Variants in SMPD3 observed in about 807,000 individuals in gnomAD.
SMPD3 encodes nSMase-2.
A neutral mutation model predicts 55.7 loss-of-function variants in SMPD3; 21 were observed. The observed-to-expected ratio is 0.38, with a 90% confidence interval of 0.27 to 0.54. SMPD3 has a LOEUF of 0.54. Among genes scored for constraint, SMPD3 ranks in the 20% least tolerant of loss-of-function variants. SMPD3 has a pLI of 0.80. For missense variants in SMPD3, 842 were observed against 899.6 expected, an observed-to-expected ratio of 0.94 and a Z score of 0.82; for synonymous variants, 457 against 404.3, an observed-to-expected ratio of 1.13 and a Z score of -1.56.
intron 1 of SMPD3, among the ~76,000 whole-genome samples, chr16:68,406,035 T>G (rs2090252354): frequency 1.3e-5 from 2 of 152,194 alleles, no homozygotes; most frequent in Admixed American, 6.5e-5. Flanking sequence ...GCTTTTGCCC[T>G]TGGTCAACAG....
chr16:68,385,965 G>A (rs1477447227), intron 2 of SMPD3, among the ~76,000 whole-genome samples: 1 of 152,228 alleles, frequency 6.6e-6, no homozygotes, highest in African/African-American at 2.4e-5. Context: ...GCTTGTGCCT[G>A]TAGTCCTAGC....
intron 1 of SMPD3, among the ~76,000 whole-genome samples, chr16:68,390,858 G>T (rs1471344194): frequency 1.3e-5 from 2 of 152,102 alleles, no homozygotes; most frequent in African/African-American, 4.8e-5. Flanking sequence ...TGAGACCCTG[G>T]GGGAGAGGTG....
intron 1 of SMPD3, among the ~76,000 whole-genome samples, chr16:68,388,296 G>A (rs57909610): frequency 0.02 from 3,018 of 152,122 alleles, 129 homozygotes; most frequent in African/African-American, 0.068. Context: ...CCAGCCTGCC[G>A]GGAAGCAGAG....
chr16:68,420,813 C>A (rs1489938397), intron 1 of SMPD3, among the ~76,000 whole-genome samples: 1 of 152,204 alleles, frequency 6.6e-6, no homozygotes, highest in Non-Finnish European at 1.5e-5. Context: ...ACTTTGTAAG[C>A]ATTAATTAAG....
chr16:68,403,291 A>G (rs1423672118), intron 1 of SMPD3, among the ~76,000 whole-genome samples: 1 of 152,158 alleles, frequency 6.6e-6, no homozygotes, highest in African/African-American at 2.4e-5. Flanking sequence ...AAACACGAGC[A>G]CCCTGAGGAC....
At chr16:68,393,541 T>C (rs1032193944) in intron 1 of SMPD3, among the ~76,000 whole-genome samples, 2 of 152,168 alleles carry the variant, frequency 1.3e-5, no homozygotes, top group African/African-American at 4.8e-5. Context: ...GTTTGTGGTG[T>C]TGGGGGACAT....
At chr16:68,398,519 C>G (rs572809935) in intron 1 of SMPD3, among the ~76,000 whole-genome samples, 70 of 152,310 alleles carry the variant, frequency 4.6e-4, no homozygotes, top group African/African-American at 1.7e-3. Flanking sequence ...GGCCAACCTT[C>G]ACCTTGTTCT....
chr16:68,387,182 G>C (rs945693642), intron 1 of SMPD3, among the ~76,000 whole-genome samples: 11 of 152,134 alleles, frequency 7.2e-5, no homozygotes, highest in African/African-American at 2.7e-4. Flanking sequence ...CCAGGATGGG[G>C]TGGATTAGGG....
At chr16:68,399,072 C>T (rs959437754) in intron 1 of SMPD3, among the ~76,000 whole-genome samples, 1 of 152,220 alleles carries the variant, frequency 6.6e-6, no homozygotes, top group African/African-American at 2.4e-5. Context: ...TGGCTCTGAA[C>T]AAAGAGAGCA....
At chr16:68,396,296 G>A (rs1427442082) in intron 1 of SMPD3, among the ~76,000 whole-genome samples, 1 of 152,002 alleles carries the variant, frequency 6.6e-6, no homozygotes, top group Non-Finnish European at 1.5e-5. Context: ...CTACCCCCAG[G>A]ATCGATCCTT....
chr16:68,391,785 T>C (rs2152004884), intron 1 of SMPD3, among the ~76,000 whole-genome samples: 1 of 152,350 alleles, frequency 6.6e-6, no homozygotes, highest in East Asian at 1.9e-4. Flanking sequence ...AACAAATTTA[T>C]ATGTTGAAGC....
intron 1 of SMPD3, among the ~76,000 whole-genome samples, chr16:68,437,993 G>C (rs189169038): frequency 1.3e-5 from 2 of 152,214 alleles, no homozygotes; most frequent in African/African-American, 4.8e-5. Context: ...GTGACTGATG[G>C]GTGCTGCAAC....
At chr16:68,393,063 AGACTTATACAAATG>A (rs1224574341) in intron 1 of SMPD3, among the ~76,000 whole-genome samples, 2 of 152,150 alleles carry the variant, frequency 1.3e-5, no homozygotes, top group African/African-American at 4.8e-5. Flanking sequence ...TAGCCCAAAC[AGACTTATACAAATG>A]GATGGGGACC....
At chr16:68,376,556 C>A (rs1344689754) in intron 2 of SMPD3, among the ~76,000 whole-genome samples, 1 of 152,244 alleles carries the variant, frequency 6.6e-6, no homozygotes, top group Non-Finnish European at 1.5e-5. Context: ...ATTTTGAAGT[C>A]CACAGTTATC....
At chr16:68,367,805 A>G (rs1008035168) in intron 3 of SMPD3, 1 of 152,292 alleles carries the variant, frequency 6.6e-6, no homozygotes, top group Non-Finnish European at 1.5e-5. Context: ...AAAACAAGCA[A>G]TCACACGAAA....
chr16:68,374,689 C>T (rs76001616), intron 2 of SMPD3, among the ~76,000 whole-genome samples: 4,692 of 152,246 alleles, frequency 0.031, 233 homozygotes, highest in African/African-American at 0.1. Context: ...GCAGAGGGAG[C>T]GACAGCCCAC....
Position 68,372,388 on chromosome 16 carries a change from C to T in SMPD3, c.-206-1G>A. 3.2e-6 allele frequency: 2 copies of T among 634,314 alleles called. No homozygotes were observed. Among genetic ancestry groups the T allele is most frequent in the Non-Finnish European group, 5.5e-6 (2 of 366,942 alleles). The allele number at this position is 634,314 out of a possible 1,614,324, so 39.3% of individuals were successfully genotyped here. On this transcript the variant is annotated splice_acceptor_variant, in intron 2 of 8. Coordinates refer to ENST00000219334, the MANE Select transcript of SMPD3 (RefSeq NM_018667.4). LOFTEE classifies it low-confidence loss of function (5UTR_SPLICE). ...GCCATGCGGAGGCCTACTGCAGACC[C>T]TGCAGAGACAAAAGTAGGGGGACTG... is the stretch of plus-strand genomic sequence containing the variant.
At chr16:68,398,972 A>G (rs1325754206) in intron 1 of SMPD3, among the ~76,000 whole-genome samples, 1 of 152,184 alleles carries the variant, frequency 6.6e-6, no homozygotes, top group Non-Finnish European at 1.5e-5. Context: ...CTGGGGACTC[A>G]CTAACCTTTA....
intron 1 of SMPD3, among the ~76,000 whole-genome samples, chr16:68,415,029 T>C (rs553382009): frequency 8.7e-4 from 132 of 152,178 alleles, no homozygotes; most frequent in South Asian, 1.9e-3. Context: ...GCATCTATGA[T>C]GAGTCAGAGA....
Sources: allele counts gnomAD v4.1 joint callset (sites outside exome capture counted in the v4.1 genomes callset), GRCh38; gene constraint gnomAD v4.1.1; transcripts MANE v1.5; gene names NCBI Gene and HGNC (gene_info 2026-07-23, HGNC 2026-07-21).